SLC35F5: variants seen among roughly 807,000 people sequenced by gnomAD.
The protein encoded by SLC35F5 is HCV NS5A-transactivated protein 3.
In SLC35F5, 54 loss-of-function variants were observed where a neutral mutation model predicts 68.6. The ratio of observed to expected loss-of-function variants is 0.79; its 90% CI spans 0.63 to 0.99. SLC35F5 has a LOEUF of 0.99. Among genes scored for constraint, SLC35F5 ranks in the 50% least tolerant of loss-of-function variants. SLC35F5 has a pLI of 0.00. For synonymous variants in SLC35F5, 211 were observed against 205.2 expected (o/e 1.03, Z -0.24); for missense variants, 567 against 626.9 (o/e 0.90, Z 1.02).
At chr2:113,721,455 C>T (rs1687432099) in intron 13 of SLC35F5, 1 of 153,956 alleles carries the variant, frequency 6.5e-6, no homozygotes, top group Non-Finnish European at 1.5e-5. Flanking sequence ...CTTTATTAAA[C>T]AAATTATAAC....
chr2:113,716,787 AG>A (rs531263527), intron 15 of SLC35F5, among the ~76,000 whole-genome samples: 234 of 152,340 alleles, frequency 1.5e-3, no homozygotes, highest in African/African-American at 5.4e-3. Flanking sequence ...AAAGTCTTGG[AG>A]AACTAGAGCT....
intron 2 of SLC35F5, 64 bp downstream of exon 2, chr2:113,755,390 C>G (rs1676932938): frequency 1.2e-6 from 2 of 1,605,788 alleles, no homozygotes; most frequent in Non-Finnish European, 1.7e-6. Context: ...ATAACAGAAA[C>G]ATTTGACTTT....
At position 113,746,006 on chromosome 2, in the gene SLC35F5, G is replaced by A. The variant is rs151303069; in HGVS notation, c.480+271C>T. 3.3e-5 allele frequency among the ~76,000 whole-genome samples: 5 copies of A among 152,244 alleles called. No homozygotes were observed. The South Asian group carries it at 6.2e-4, about 19-fold the overall frequency. On this transcript the variant is annotated intron_variant, in intron 5 of 15. Transcript: ENST00000245680. ...TAATGTGCATGAAGTGAAAAAGTTG[G>A]TTAGTAACAAAGGATTGTCCTTTAT...
intron 4 of SLC35F5, 130 bp downstream of exon 4, chr2:113,750,295 A>T: frequency 2.5e-6 from 2 of 813,728 alleles, no homozygotes; most frequent in African/African-American, 1.8e-5. Flanking sequence ...CGGTTTTCTT[A>T]TATCATCTTC....
chr2:113,742,146 C>G (rs2104461226), intron 7 of SLC35F5: 1 of 152,448 alleles, frequency 6.6e-6, no homozygotes, highest in South Asian at 2.1e-4. Context: ...CATCATTATT[C>G]TATGTGAAAT....
intron 1 of SLC35F5, chr2:113,756,043 C>T: frequency 1.4e-6 from 2 of 1,469,852 alleles, no homozygotes; most frequent in East Asian, 5.0e-5. Context: ...GCTCCTCCAC[C>T]CACCTCTATC....
At position 113,723,134 on chromosome 2, in the gene SLC35F5, C is replaced by A. The variant is rs748209360; in HGVS notation, c.1311G>T (p.Leu437=). The A allele has an allele frequency of 6.3e-7, 1 of 1,582,560 alleles. No homozygotes were observed. Among genetic ancestry groups the A allele is most frequent in the South Asian group, 1.2e-5 (1 of 83,378 alleles). ...GTLALSLTIP[L]SIIADMCMQK... is the part of the protein sequence containing the mutation. ...GCATACACATGTCAGCTATTATGGA[C>A]AGAGGTATTGTAAGGCTTAGTGCAA... Residue 437 remains leucine, a synonymous_variant, in exon 13 of 16, where the codon CTG becomes CTT. Transcript: ENST00000245680.
At chr2:113,755,109 T>A in intron 3 of SLC35F5, 56 bp downstream of exon 3, 1 of 1,566,166 alleles carries the variant, frequency 6.4e-7, no homozygotes, top group South Asian at 1.1e-5. Flanking sequence ...TACTACAGGT[T>A]AAGAGTTAAC....
rs1687037293 is a variant in SLC35F5 at position 113,712,835 on chromosome 2, A to G, written c.*2383T>C. 1 of 152,222 alleles carries G rather than the reference A, an allele frequency of 6.6e-6. No individual in the cohort carries two copies. The highest frequency in any genetic ancestry group is 2.4e-5 in the African/African-American group (1 of 41,462). 9.4% of individuals were successfully genotyped at this position (152,222 alleles called of 1,614,324 possible). A position where few individuals can be genotyped will look rare whatever the true frequency, so the allele number is the denominator to read the frequency against. On this transcript the variant is annotated 3_prime_UTR_variant, in exon 16 of 16. Coordinates refer to ENST00000245680, the MANE Select transcript of SLC35F5 (RefSeq NM_025181.5). ...TTTGTTTTTAGATTCAGAAAAATAT[A>G]ATTACAGGCCAACATGGGTCTGACA...
intron 4 of SLC35F5, among the ~76,000 whole-genome samples, chr2:113,749,228 G>T (rs1286196287): frequency 6.6e-6 from 1 of 152,232 alleles, no homozygotes; most frequent in Non-Finnish European, 1.5e-5. Context: ...ACTGCTGGGT[G>T]CAGTGGCTCA....
At chr2:113,748,925 T>C (rs1676627086) in intron 4 of SLC35F5, among the ~76,000 whole-genome samples, 1 of 152,206 alleles carries the variant, frequency 6.6e-6, no homozygotes, top group African/African-American at 2.4e-5. Context: ...TGCCTCAGCC[T>C]CCCGAGCAGC....
At chr2:113,748,637 T>C (rs1676611927) in intron 4 of SLC35F5, among the ~76,000 whole-genome samples, 1 of 152,186 alleles carries the variant, frequency 6.6e-6, no homozygotes, top group Non-Finnish European at 1.5e-5. Context: ...CACATACAAT[T>C]TATCCCTACA....
At chr2:113,724,885 T>G (rs756205724) in intron 12 of SLC35F5, among the ~76,000 whole-genome samples, 2 of 152,170 alleles carry the variant, frequency 1.3e-5, no homozygotes, top group Non-Finnish European at 2.9e-5. Flanking sequence ...AATCAGAGTT[T>G]AAGGTTTACA....
chr2:113,735,772 C>A lies in SLC35F5; in HGVS notation c.832+5G>T. 6.3e-7 allele frequency: 1 copy of A among 1,587,410 alleles called. No individual in the cohort carries two copies. The highest frequency in any genetic ancestry group is 8.6e-7 in the Non-Finnish European group (1 of 1,161,842). The stretch of plus-strand genomic sequence containing the variant: ...AATGCAGATTTTTAAAGACAAATTT[C>A]TTACCGGAAGTTGAAGATAAAATAT... On this transcript the variant is annotated splice_donor_5th_base_variant and intron_variant, in intron 8 of 15. Transcript: ENST00000245680.
chr2:113,734,362 AACC>A (rs1688007808), intron 9 of SLC35F5, among the ~76,000 whole-genome samples: 1 of 152,198 alleles, frequency 6.6e-6, no homozygotes, highest in Admixed American at 6.5e-5. Flanking sequence ...CATGAATGGG[AACC>A]AAAGCAGCCT....
At chr2:113,736,775 C>T (rs1387416233) in intron 7 of SLC35F5, among the ~76,000 whole-genome samples, 2 of 152,178 alleles carry the variant, frequency 1.3e-5, no homozygotes, top group Admixed American at 6.5e-5. Flanking sequence ...GGAAGTTTTC[C>T]AGCTATCAGG....
intron 6 of SLC35F5, among the ~76,000 whole-genome samples, chr2:113,743,213 T>C (rs1043034510): frequency 1.3e-5 from 2 of 152,234 alleles, no homozygotes; most frequent in African/African-American, 2.4e-5. Context: ...AAAACTTTAT[T>C]TGGATTTTTC....
Position 113,735,841 on chromosome 2 carries a change from C to A in SLC35F5, c.768G>T (p.Leu256Phe), listed in dbSNP as rs1412001854. The change falls in exon 8 of 16, where the codon TTG (leucine) becomes TTT (phenylalanine). Residue 256 changes from leucine (L) to phenylalanine (F), a missense_variant. Transcript: ENST00000245680. ...FFCFVWFLANLSYQEALSDTQ... is the reference protein window; with the variant it reads ...FFCFVWFLANFSYQEALSDTQ... ...TGTCTGAAAGTGCTTCTTGATATGA[C>A]AAATTTGCCAAAAACCACTAAAGAA... 6.2e-7 allele frequency: 1 copy of A among 1,608,694 alleles called. No homozygotes were observed. The highest frequency in any genetic ancestry group is 1.3e-5 in the African/African-American group (1 of 74,636).
Position 113,708,401 on chromosome 2 carries a change from A to C in SLC35F5, c.*6817T>G, listed in dbSNP as rs1042885919. Among the ~76,000 whole-genome samples the C allele has an allele frequency of 5.9e-5, 9 of 152,142 alleles. No homozygotes were observed. The highest frequency in any genetic ancestry group is 2.2e-4 in the African/African-American group (9 of 41,418). ...CACAATAGTGAACACCCTAGTGACA[A>C]CTTTTAAATAAAATACTGGATAGCT... is the stretch of plus-strand genomic sequence containing the variant. On this transcript the variant is annotated 3_prime_UTR_variant, in exon 16 of 16. Coordinates refer to ENST00000245680, the MANE Select transcript of SLC35F5 (RefSeq NM_025181.5).
Sources: gnomAD v4.1 joint callset for allele counts (sites outside exome capture counted in the v4.1 genomes callset) on GRCh38, gnomAD v4.1.1 for gene constraint, MANE v1.5 for transcripts, NCBI Gene and HGNC (gene_info 2026-07-23, HGNC 2026-07-21) for gene names.